LYG2: variants seen among roughly 807,000 people sequenced by gnomAD.
The protein encoded by LYG2 is lysozyme g-like protein 2.
Under a neutral mutation model 22.4 loss-of-function variants are expected in LYG2, and 25 were observed. That is an observed-to-expected ratio of 1.12 (90% confidence interval 0.81 to 1.56). LYG2 has a LOEUF of 1.56. Ranked by LOEUF, LYG2 falls within the 40% of genes most tolerant of loss-of-function variation. The pLI is 0.00. For missense variants in LYG2, 266 were observed against 269.5 expected (o/e 0.99, Z 0.09); for synonymous variants, 88 against 97.0 (o/e 0.91, Z 0.55).
upstream of LYG2, among the ~76,000 whole-genome samples, chr2:99,256,547 T>G (rs1249795762): frequency 6.6e-6 from 1 of 152,116 alleles, no homozygotes; most frequent in African/African-American, 2.4e-5. Flanking sequence ...CCAGGCTAAG[T>G]GCAATGAGAA....
intron 3 of LYG2, among the ~76,000 whole-genome samples, chr2:99,247,644 A>G (rs1289245828): frequency 6.6e-6 from 1 of 152,062 alleles, no homozygotes; most frequent in Non-Finnish European, 1.5e-5. Flanking sequence ...TTTGAGAGGA[A>G]TTTTAAAACA....
chr2:99,257,263 G>A (rs943124979), upstream of LYG2, among the ~76,000 whole-genome samples: 7 of 152,190 alleles, frequency 4.6e-5, no homozygotes, highest in Non-Finnish European at 1.0e-4. Flanking sequence ...TAAGTCCAAA[G>A]TGGTTTTTTG....
At chr2:99,247,301 A>G (rs2094017790) in intron 3 of LYG2, among the ~76,000 whole-genome samples, 1 of 152,042 alleles carries the variant, frequency 6.6e-6, no homozygotes, top group Non-Finnish European at 1.5e-5. Flanking sequence ...ATGTTGCCCA[A>G]GCTAGTCTCA....
rs200638885 is a variant in LYG2 at position 99,244,120 on chromosome 2, G to A, written c.399C>T (p.Tyr133=). ...FGLMQLDKQT[Y]HPVGAWDSKE... ...TGCTATCCCAGGCACCGACAGGGTG[G>A]TACGTTTGTTTATCAAGCTAGAAAA... Residue 133 remains tyrosine, a synonymous_variant, in exon 6 of 7, where the codon TAC becomes TAT. Coordinates refer to ENST00000333017, the MANE Select transcript of LYG2 (RefSeq NM_175735.4). 2 of 1,613,086 alleles carry A rather than the reference G, an allele frequency of 1.2e-6. No homozygotes were observed. Among genetic ancestry groups the A allele is most frequent in the Non-Finnish European group, 8.5e-7 (1 of 1,179,776 alleles).
intron 3 of LYG2, among the ~76,000 whole-genome samples, chr2:99,248,564 C>G (rs1405686662): frequency 7.2e-6 from 1 of 138,920 alleles, no homozygotes; most frequent in Admixed American, 7.9e-5. Flanking sequence ...AGGGGAACAT[C>G]ACACTCTGGG....
At chr2:99,260,312 T>A (rs960575479), upstream of LYG2, among the ~76,000 whole-genome samples, 2 of 152,212 alleles carry the variant, frequency 1.3e-5, no homozygotes, top group African/African-American at 4.8e-5. Flanking sequence ...AATTCACATA[T>A]CATAGCCTTC....
At position 99,242,426 on chromosome 2, in the gene LYG2, C is replaced by G; in HGVS notation, c.577G>C (p.Asp193His). ...ATGATATCATTGACGAAGTCATTGT[C>G]TATGTCCGATGGGGTGGCAATCGCT... ...IEAIATPSDI[D>H]NDFVNDIIAR... The change falls in exon 7 of 7, where the codon GAC becomes CAC. Residue 193 changes from aspartate (D) to histidine (H), a missense_variant. By Grantham distance (81) the Asp-to-His change is moderately conservative. Coordinates refer to ENST00000333017, the MANE Select transcript of LYG2 (RefSeq NM_175735.4). 1.2e-6 allele frequency: 2 copies of G among 1,613,772 alleles called. No individual in the cohort carries two copies. The highest frequency in any genetic ancestry group is 1.7e-6 in the Non-Finnish European group (2 of 1,179,818).
chr2:99,247,083 G>A (rs1490393708), intron 3 of LYG2, among the ~76,000 whole-genome samples: 2 of 152,002 alleles, frequency 1.3e-5, no homozygotes, highest in Non-Finnish European at 2.9e-5. Context: ...CTAAATACAT[G>A]TGCAGTCTTT....
At chr2:99,244,181 A>G in intron 5 of LYG2, 44 bp from the exon 6 acceptor site, 1 of 1,584,070 alleles carries the variant, frequency 6.3e-7, no homozygotes. Flanking sequence ...ATGAGGTAAC[A>G]CATTTTTTCT....
intron 3 of LYG2, among the ~76,000 whole-genome samples, chr2:99,249,644 C>G (rs2094022720): frequency 6.6e-6 from 1 of 151,320 alleles, no homozygotes; most frequent in Admixed American, 6.6e-5. Flanking sequence ...GCCTGTAATC[C>G]CAGCTACTCG....
chr2:99,247,228 A>G (rs2094017619), intron 3 of LYG2, among the ~76,000 whole-genome samples: 1 of 152,014 alleles, frequency 6.6e-6, no homozygotes, highest in Non-Finnish European at 1.5e-5. Context: ...GAGTAGCTGG[A>G]ACCACAGGTG....
chr2:99,245,160 G>T, intron 5 of LYG2, 102 bp downstream of exon 5: 1 of 1,296,214 alleles, frequency 7.7e-7, no homozygotes, highest in Non-Finnish European at 1.0e-6. Flanking sequence ...AGATGCCAGG[G>T]TATTTTGGGG....
At position 99,251,208 on chromosome 2, in the gene LYG2, A is replaced by T. The variant is rs543469938; in HGVS notation, c.43+3010T>A. On this transcript the variant is annotated intron_variant, in intron 3 of 6. Coordinates refer to ENST00000333017, the MANE Select transcript of LYG2 (RefSeq NM_175735.4). The stretch of plus-strand genomic sequence containing the variant: ...AATGTTATCATAAATTTTAAAATTA[A>T]ATCAAATGGGGAAAAATGGAATCAT... Among the ~76,000 whole-genome samples, 15 of 152,302 alleles carry T rather than the reference A, an allele frequency of 9.8e-5. No individual in the cohort carries two copies. In the South Asian group the frequency reaches 2.3e-3, roughly 23 times the overall value.
chr2:99,251,486 A>G (rs755316432), intron 3 of LYG2, among the ~76,000 whole-genome samples: 15 of 152,226 alleles, frequency 9.9e-5, no homozygotes, highest in Non-Finnish European at 1.9e-4. Context: ...TAATGTCATT[A>G]GAACTAGGAT....
intron 5 of LYG2, 150 bp from the exon 6 acceptor site, chr2:99,244,287 GAGTC>G (rs2094011992): frequency 1.3e-6 from 1 of 769,470 alleles, no homozygotes; most frequent in Non-Finnish European, 2.0e-6. Context: ...ATATAGATGA[GAGTC>G]AGAGAAACAA....
intron 6 of LYG2, 60 bp downstream of exon 6, chr2:99,243,939 C>T (rs777010737): frequency 6.2e-7 from 1 of 1,602,188 alleles, no homozygotes; most frequent in African/African-American, 1.3e-5. Flanking sequence ...TCGGGTCACA[C>T]TGGCCTTCAG....
chr2:99,242,608 T>C (rs2094008398), intron 6 of LYG2, 126 bp from the exon 7 acceptor site: 2 of 552,460 alleles, frequency 3.6e-6, no homozygotes, highest in South Asian at 6.2e-5. Flanking sequence ...TCCTCCTCCC[T>C]CTCCCTCCCT....
intron 6 of LYG2, chr2:99,243,789 A>G (rs2094010835): frequency 4.9e-6 from 3 of 608,984 alleles, no homozygotes; most frequent in East Asian, 5.6e-5. Context: ...AAGAACCCCA[A>G]CATTCTGCAG....
At position 99,242,410 on chromosome 2, in the gene LYG2, T is replaced by C. The variant is rs2094008108; in HGVS notation, c.593A>G (p.Asn198Ser). The change falls in exon 7 of 7, where the codon AAT (asparagine) becomes AGT (serine). Residue 198 changes from asparagine to serine, a missense_variant. By Grantham distance (46) the Asn-to-Ser change is conservative. Coordinates refer to ENST00000333017, the MANE Select transcript of LYG2 (RefSeq NM_175735.4). ...GAACTTAGCTCGAGCAATGATATCA[T>C]TGACGAAGTCATTGTCTATGTCCGA... ...TPSDIDNDFV[N>S]DIIARAKFYK... 1.2e-6 allele frequency: 2 copies of C among 1,613,824 alleles called. No homozygotes were observed. Among genetic ancestry groups the C allele is most frequent in the South Asian group, 2.2e-5 (2 of 91,046 alleles).
Sources: gnomAD v4.1 joint callset for allele counts (sites outside exome capture counted in the v4.1 genomes callset) on GRCh38, gnomAD v4.1.1 for gene constraint, MANE v1.5 for transcripts, NCBI Gene and HGNC (gene_info 2026-07-23, HGNC 2026-07-21) for gene names.